SHANK2: variants seen among roughly 807,000 people sequenced by gnomAD.
The protein encoded by SHANK2 is SH3 and multiple ankyrin repeat domains protein 2.
SHANK2 carries 43 observed loss-of-function variants against 133.7 expected under a neutral mutation model. That is an observed-to-expected ratio of 0.32 (90% CI 0.25 to 0.41). SHANK2 has a LOEUF of 0.41. Ranked by LOEUF, SHANK2 falls within the 10% of genes least tolerant of loss-of-function variation. The probability of loss-of-function intolerance (pLI) is 1.00; values close to 1 mark genes in which losing one functional copy is unlikely to be tolerated. For synonymous variants in SHANK2, 1,017 were observed against 952.8 expected (o/e 1.07, Z -1.24); for missense variants, 1,994 against 2,235.8 (o/e 0.89, Z 2.18).
Position 70,574,218 on chromosome 11 carries a change from G to A in SHANK2, c.2062-71287C>T, listed in dbSNP as rs565631210. On this transcript the variant is annotated intron_variant, in intron 17 of 25. Transcript: ENST00000601538. Reference sequence around the variant, plus strand: ...CTGCTGATCAATCTCCAGATGGGCCGACACAGACTGCGGAGGTGTGGCCCA... The same window carrying A: ...CTGCTGATCAATCTCCAGATGGGCCAACACAGACTGCGGAGGTGTGGCCCA... 1.1e-4 allele frequency among the ~76,000 whole-genome samples: 17 copies of A among 152,368 alleles called. No individual in the cohort carries two copies. The South Asian group carries it at 3.5e-3, about 32-fold the overall frequency.
chr11:71,123,326 T>C (rs2135287562), intron 3 of SHANK2, among the ~76,000 whole-genome samples: 1 of 152,322 alleles, frequency 6.6e-6, no homozygotes, highest in African/African-American at 2.4e-5. Context: ...GAAAAACACC[T>C]ACTCAACTGT....
intron 17 of SHANK2, among the ~76,000 whole-genome samples, chr11:70,519,652 A>AAAAAC (rs1319190209): frequency 6.6e-6 from 1 of 152,220 alleles, no homozygotes; most frequent in East Asian, 1.9e-4. Context: ...CGTCTCAAAA[A>AAAAAC]AAAACAAAAA....
intron 10 of SHANK2, among the ~76,000 whole-genome samples, chr11:70,940,934 A>T (rs1213312594): frequency 6.6e-6 from 1 of 152,140 alleles, no homozygotes; most frequent in Non-Finnish European, 1.5e-5. Flanking sequence ...CAAGTGTGCT[A>T]TGTGGCAGGG....
chr11:70,874,145 C>T (rs1949516561), intron 11 of SHANK2, among the ~76,000 whole-genome samples: 1 of 152,116 alleles, frequency 6.6e-6, no homozygotes, highest in South Asian at 2.1e-4. Flanking sequence ...CCATATCCAT[C>T]TATCCATATC....
chr11:70,798,701 A>G lies in SHANK2; in HGVS notation c.1664-145T>C. ...GAGCAAGCGGCTCTGGTGTGACTGC[A>G]CTTCCTTCAGCTGCTGACAGTGCTA... On this transcript the variant is annotated intron_variant, in intron 13 of 25. Transcript: ENST00000601538. The G allele has an allele frequency of 8.0e-6, 5 of 627,712 alleles. No individual in the cohort carries two copies. The South Asian group carries it at 9.2e-5, about 12-fold the overall frequency. The allele number at this position is 627,712 out of a possible 1,614,324, so 38.9% of individuals were successfully genotyped here.
intron 25 of SHANK2, among the ~76,000 whole-genome samples, chr11:70,481,710 C>T (rs2058735482): frequency 6.6e-6 from 1 of 152,254 alleles, no homozygotes; most frequent in South Asian, 2.1e-4. Flanking sequence ...AATTTCGTGC[C>T]TCATTTTGCC....
At chr11:70,900,489 T>G (rs1950007743) in intron 10 of SHANK2, among the ~76,000 whole-genome samples, 1 of 152,062 alleles carries the variant, frequency 6.6e-6, no homozygotes, top group Admixed American at 6.5e-5. Context: ...TACACACAAG[T>G]GCACACCCAC....
intron 1 of SHANK2, among the ~76,000 whole-genome samples, chr11:71,244,299 G>A (rs782356405): frequency 5.9e-5 from 9 of 152,240 alleles, no homozygotes; most frequent in Non-Finnish European, 1.2e-4. Context: ...GCTGGTGGCT[G>A]TCTGAAGCCC....
At chr11:70,639,963 C>T (rs1055609941) in intron 17 of SHANK2, among the ~76,000 whole-genome samples, 1 of 152,214 alleles carries the variant, frequency 6.6e-6, no homozygotes, top group Non-Finnish European at 1.5e-5. Context: ...GGCAGGTCTT[C>T]AGGCCCACAG....
At chr11:70,921,413 G>T (rs781851481) in intron 10 of SHANK2, among the ~76,000 whole-genome samples, 4 of 152,326 alleles carry the variant, frequency 2.6e-5, no homozygotes, top group Middle Eastern at 3.4e-3. Flanking sequence ...TAGCTGTAGA[G>T]AAATCCCTGG....
intron 12 of SHANK2, among the ~76,000 whole-genome samples, chr11:70,817,556 C>G (rs1182713818): frequency 6.6e-6 from 1 of 152,214 alleles, no homozygotes; most frequent in Non-Finnish European, 1.5e-5. Context: ...TGGTTGGTCA[C>G]TCTACCAACG....
At chr11:70,846,719 C>T (rs1949002990) in intron 11 of SHANK2, among the ~76,000 whole-genome samples, 1 of 152,190 alleles carries the variant, frequency 6.6e-6, no homozygotes. Flanking sequence ...AGTCCAGTCA[C>T]CTGCTCCCGG....
chr11:70,721,583 G>A (rs1164681554), intron 14 of SHANK2, among the ~76,000 whole-genome samples: 4 of 152,194 alleles, frequency 2.6e-5, no homozygotes, highest in East Asian at 1.9e-4. Flanking sequence ...TGTGAGCAGC[G>A]TTCTTACTGA....
chr11:70,887,454 C>T (rs919237163), intron 11 of SHANK2, among the ~76,000 whole-genome samples: 2 of 151,540 alleles, frequency 1.3e-5, no homozygotes, highest in Admixed American at 6.6e-5. Flanking sequence ...GTGAACAGAA[C>T]GCTTCGCGGC....
chr11:70,709,829 G>A lies in SHANK2; in HGVS notation c.1778-11066C>T, dbSNP rs1191959784. ...GACGGCTGAGCACAGAGGCTGGGGAGAGAGGAGAGAAGAGGAGCCAGCCGC... is the reference window on the plus strand; with the variant it reads ...GACGGCTGAGCACAGAGGCTGGGGAAAGAGGAGAGAAGAGGAGCCAGCCGC... On this transcript the variant is annotated intron_variant, in intron 14 of 25. Coordinates refer to ENST00000601538, the MANE Select transcript of SHANK2 (RefSeq NM_012309.5). Among the ~76,000 whole-genome samples the A allele has an allele frequency of 2.0e-5, 3 of 152,086 alleles. No individual in the cohort carries two copies. The East Asian group carries it at 5.8e-4, about 29-fold the overall frequency.
intron 3 of SHANK2, among the ~76,000 whole-genome samples, chr11:71,146,019 G>A (rs1440416281): frequency 6.6e-6 from 1 of 152,170 alleles, no homozygotes; most frequent in Admixed American, 6.5e-5. Context: ...ACTCTTGGAT[G>A]TCTACCATGT....
intron 17 of SHANK2, among the ~76,000 whole-genome samples, chr11:70,510,866 C>T (rs1187134670): frequency 6.6e-6 from 1 of 152,246 alleles, no homozygotes; most frequent in Non-Finnish European, 1.5e-5. Context: ...AGAAGCTGCG[C>T]AGCCACATGA....
intron 17 of SHANK2, among the ~76,000 whole-genome samples, chr11:70,560,367 T>G (rs1243637064): frequency 2.0e-5 from 3 of 152,072 alleles, no homozygotes; most frequent in African/African-American, 7.2e-5. Flanking sequence ...TAAACATGGC[T>G]GAGAGAAATG....
chr11:70,922,193 A>C (rs763620389), intron 10 of SHANK2, among the ~76,000 whole-genome samples: 13 of 152,216 alleles, frequency 8.5e-5, no homozygotes, highest in Non-Finnish European at 1.8e-4. Flanking sequence ...ATGGATAAGG[A>C]AATTGGAAAA....
Sources: gnomAD v4.1 joint callset for allele counts (sites outside exome capture counted in the v4.1 genomes callset) on GRCh38, gnomAD v4.1.1 for gene constraint, MANE v1.5 for transcripts, NCBI Gene and HGNC (gene_info 2026-07-23, HGNC 2026-07-21) for gene names.